Variants in TRIM54 observed in about 807,000 individuals in gnomAD.
The protein encoded by TRIM54 is tripartite motif containing 54, also known as tripartite motif-containing protein 54.
In TRIM54, 40 loss-of-function variants were observed where a neutral mutation model predicts 42.0. The observed-to-expected ratio is 0.95, with a 90% CI of 0.74 to 1.24. The LOEUF (loss-of-function observed/expected upper bound fraction) is 1.24. Among genes scored for constraint, TRIM54 ranks in the 50% most tolerant of loss-of-function variants. TRIM54 has a pLI of 0.00. For synonymous variants in TRIM54, 199 were observed against 194.9 expected (o/e 1.02, Z -0.17); for missense variants, 485 against 480.3 (o/e 1.01, Z -0.09).
At chr2:27,286,531 G>A (rs113837820) in intron 1 of TRIM54, among the ~76,000 whole-genome samples, 1 of 152,254 alleles carries the variant, frequency 6.6e-6, no homozygotes, top group African/African-American at 2.4e-5. Flanking sequence ...CTTCCCATGT[G>A]TTTCTGTATT....
At position 27,306,856 on chromosome 2, in the gene TRIM54, C is replaced by G. The variant is rs1679233798; in HGVS notation, c.*2-31C>G. The stretch of plus-strand genomic sequence containing the variant: ...GAGCTGCCTCGTGCCTTCGCAGCAC[C>G]CGCCCACCGAGCCTTCTTTCCCGGG... On this transcript the variant is annotated intron_variant, in intron 8 of 8. Transcript: ENST00000380075. The surrounding 1 kb of genome is among the most constrained non-coding windows in gnomAD (Gnocchi z 6.1). 2.2e-6 allele frequency: 1 copy of G among 448,502 alleles called. No individual in the cohort carries two copies. Among genetic ancestry groups the G allele is most frequent in the Non-Finnish European group, 4.0e-6 (1 of 250,996 alleles). 27.8% of individuals were successfully genotyped at this position (448,502 alleles called of 1,614,324 possible).
intron 1 of TRIM54, among the ~76,000 whole-genome samples, chr2:27,293,732 C>A (rs1375440399): frequency 2.7e-5 from 4 of 150,520 alleles, no homozygotes; most frequent in Non-Finnish European, 5.9e-5. Context: ...AAAACAAAAA[C>A]AAAAAACGGC....
intron 3 of TRIM54, chr2:27,299,675 C>CCTATCTATCTATCTATCTAT (rs112702645): frequency 3.5e-6 from 2 of 579,590 alleles, no homozygotes; most frequent in South Asian, 2.1e-5. Context: ...CGCACTCAGC[C>CCTATCTATCTATCTATCTAT]CTATCTATCT....
chr2:27,290,200 T>A (rs72817540), intron 1 of TRIM54, among the ~76,000 whole-genome samples: 4,965 of 152,002 alleles, frequency 0.033, 173 homozygotes, highest in African/African-American at 0.086. Flanking sequence ...TTAAAAAAAA[T>A]TTTTTTAATT....
At chr2:27,284,498 G>A (rs1479011874) in intron 1 of TRIM54, among the ~76,000 whole-genome samples, 1 of 151,354 alleles carries the variant, frequency 6.6e-6, no homozygotes, top group Non-Finnish European at 1.5e-5. Context: ...GTCCAAACCT[G>A]CCATTATTCA....
At position 27,298,215 on chromosome 2, in the gene TRIM54, TCA is replaced by T. The variant is rs1678920617; in HGVS notation, c.169-351_169-350del. ...GACTGGAAGACATTGGTCGCACCACTCAGAGTTCATTTCCTGCCTCAGCCTTA... is the reference window on the plus strand; with the variant it reads ...GACTGGAAGACATTGGTCGCACCACTGAGTTCATTTCCTGCCTCAGCCTTA... On this transcript the variant is annotated intron_variant, in intron 1 of 8. Coordinates refer to ENST00000380075, the MANE Select transcript of TRIM54 (RefSeq NM_187841.3). Among the ~76,000 whole-genome samples the T allele has an allele frequency of 6.6e-5, 10 of 152,242 alleles. No homozygotes were observed. The South Asian group carries it at 1.9e-3, about 28-fold the overall frequency.
At chr2:27,283,764 G>GCACACACGCACGCGCGCGCGCGCGCGCA (rs1558580798) in intron 1 of TRIM54, among the ~76,000 whole-genome samples, 21 of 117,862 alleles carry the variant, frequency 1.8e-4, no homozygotes, top group African/African-American at 4.4e-4. Context: ...AGGGGCAAAG[G>GCACACACGCACGCGCGCGCGCGCGCGCA]CACACACACA....
chr2:27,298,678 G>T lies in TRIM54; in HGVS notation c.280G>T (p.Gly94Cys), dbSNP rs775348322. The change falls in exon 2 of 9, where the codon GGC becomes TGC. Residue 94 changes from glycine (G) to cysteine (C), a missense_variant. Gly to Cys is a radical substitution (Grantham distance 159). Coordinates refer to ENST00000380075, the MANE Select transcript of TRIM54 (RefSeq NM_187841.3). The part of the protein sequence containing the change: ...EVVLDRHGVY[G>C]LQRNLLVENI... ...TGTCCTGGACAGACACGGTGTCTAC[G>T]GCCTGCAGCGAAACCTGCTAGTGGA... The T allele has an allele frequency of 6.2e-7, 1 of 1,614,132 alleles. No homozygotes were observed.
Position 27,306,831 on chromosome 2 carries a change from G to A in TRIM54, c.*2-56G>A. ...GCGGGGGACGGAGTGAGCGGGGCTCGAGCTGCCTCGTGCCTTCGCAGCACC... is the reference window on the plus strand; with the variant it reads ...GCGGGGGACGGAGTGAGCGGGGCTCAAGCTGCCTCGTGCCTTCGCAGCACC... On this transcript the variant is annotated intron_variant, in intron 8 of 8. Coordinates refer to ENST00000380075, the MANE Select transcript of TRIM54 (RefSeq NM_187841.3). The surrounding 1 kb of genome is among the most constrained non-coding windows in gnomAD (Gnocchi z 6.1). The A allele has an allele frequency of 2.0e-6, 1 of 501,242 alleles. No homozygotes were observed. Among genetic ancestry groups the A allele is most frequent in the Non-Finnish European group, 3.5e-6 (1 of 283,078 alleles). 31.0% of individuals were successfully genotyped at this position (501,242 alleles called of 1,614,324 possible).
chr2:27,306,036 G>C lies in TRIM54; in HGVS notation c.844-44G>C. 1 of 1,612,204 alleles carries C rather than the reference G, an allele frequency of 6.2e-7. No homozygotes were observed. Among genetic ancestry groups the C allele is most frequent in the Non-Finnish European group, 8.5e-7 (1 of 1,179,332 alleles). On this transcript the variant is annotated intron_variant, in intron 5 of 8. Transcript: ENST00000380075. This position sits in a 1 kb window ranked among gnomAD's most constrained non-coding sequence, Gnocchi z 6.1. Reference sequence around the variant, plus strand: ...AGATTCAGAAATGGGACTTTGCCCAGGTTGGCCCAGTGCTTACTCTCACCC... The same window carrying C: ...AGATTCAGAAATGGGACTTTGCCCACGTTGGCCCAGTGCTTACTCTCACCC...
At chr2:27,291,245 C>T (rs1678711213) in intron 1 of TRIM54, among the ~76,000 whole-genome samples, 1 of 152,060 alleles carries the variant, frequency 6.6e-6, no homozygotes, top group South Asian at 2.1e-4. Flanking sequence ...GTCCCAGCTA[C>T]TCAGGAGGCT....
At chr2:27,298,762 C>T in intron 2 of TRIM54, 23 bp downstream of exon 2, 1 of 1,610,622 alleles carries the variant, frequency 6.2e-7, no homozygotes, top group South Asian at 1.1e-5. Context: ...AGTCTCTTGC[C>T]TCTCTCATGA....
intron 3 of TRIM54, among the ~76,000 whole-genome samples, chr2:27,302,316 T>C (rs1679059147): frequency 6.6e-6 from 1 of 151,818 alleles, no homozygotes; most frequent in Admixed American, 6.6e-5. Flanking sequence ...CCGGGCGTGG[T>C]GGCAGGCGCC....
At chr2:27,304,863 G>T (rs1485916488) in intron 3 of TRIM54, 96 bp from the exon 4 acceptor site, 4 of 1,013,374 alleles carry the variant, frequency 3.9e-6, no homozygotes, top group African/African-American at 1.6e-5. Flanking sequence ...GGGTGAGGTG[G>T]AAGGGCCAGC....
intron 3 of TRIM54, chr2:27,299,669 C>T (rs1260553638): frequency 4.7e-6 from 3 of 632,676 alleles, no homozygotes; most frequent in Non-Finnish European, 8.2e-6. Flanking sequence ...AGCCACCGCA[C>T]TCAGCCCTAT....
At chr2:27,287,623 A>G (rs1678611595) in intron 1 of TRIM54, among the ~76,000 whole-genome samples, 1 of 152,148 alleles carries the variant, frequency 6.6e-6, no homozygotes, top group Admixed American at 6.6e-5. Flanking sequence ...TCCTGGGCTC[A>G]AACAGTCCTT....
intron 1 of TRIM54, among the ~76,000 whole-genome samples, chr2:27,295,154 C>T (rs1363942216): frequency 6.6e-6 from 1 of 151,740 alleles, no homozygotes; most frequent in African/African-American, 2.4e-5. Context: ...CAACCTCGGC[C>T]TCCTGGGTTC....
At chr2:27,295,371 A>G (rs747075394) in intron 1 of TRIM54, among the ~76,000 whole-genome samples, 1 of 151,978 alleles carries the variant, frequency 6.6e-6, no homozygotes, top group Non-Finnish European at 1.5e-5. Context: ...CAATGGTATG[A>G]TCTTGGCTCA....
chr2:27,303,190 G>T (rs575915213), intron 3 of TRIM54, among the ~76,000 whole-genome samples: 1 of 152,264 alleles, frequency 6.6e-6, no homozygotes, highest in Non-Finnish European at 1.5e-5. Context: ...ACCAGTGCTG[G>T]CAATGTCACT....
Sources: gnomAD v4.1 joint callset for allele counts (sites outside exome capture counted in the v4.1 genomes callset) on GRCh38, gnomAD v4.1.1 for gene constraint, Gnocchi (gnomAD v3.1) non-coding constraint, MANE v1.5 for transcripts, NCBI Gene and HGNC (gene_info 2026-07-23, HGNC 2026-07-21) for gene names.